Variants in GALM observed in about 807,000 individuals in gnomAD.
GALM encodes aldose 1-epimerase.
Under a neutral mutation model 37.4 loss-of-function variants are expected in GALM, and 43 were observed. The ratio of observed to expected loss-of-function variants is 1.15; its 90% CI spans 0.90 to 1.48. The LOEUF (loss-of-function observed/expected upper bound fraction) is 1.48. GALM is among the 40% of genes most tolerant of loss of function. The pLI, the probability that GALM is intolerant of heterozygous loss-of-function variation, is 0.00. For synonymous variants in GALM, 199 were observed against 170.6 expected (o/e 1.17, Z -1.30); for missense variants, 456 against 419.1 (o/e 1.09, Z -0.77).
At chr2:38,710,634 G>C (rs1331827965) in intron 4 of GALM, among the ~76,000 whole-genome samples, 1 of 151,974 alleles carries the variant, frequency 6.6e-6, no homozygotes. Flanking sequence ...CAAACTCCTG[G>C]GCTTAAGTGA....
intron 4 of GALM, among the ~76,000 whole-genome samples, chr2:38,697,841 C>T (rs1665841887): frequency 6.6e-6 from 1 of 152,156 alleles, no homozygotes. Context: ...GTCTTCAATG[C>T]AGAGCCGGCA....
intron 5 of GALM, among the ~76,000 whole-genome samples, chr2:38,729,953 C>T (rs935431730): frequency 6.6e-6 from 1 of 152,142 alleles, no homozygotes; most frequent in Non-Finnish European, 1.5e-5. Flanking sequence ...CTTTAAGGCC[C>T]ATTTTCTGTT....
intron 4 of GALM, among the ~76,000 whole-genome samples, chr2:38,697,325 G>A (rs922891327): frequency 4.6e-5 from 7 of 152,130 alleles, no homozygotes; most frequent in Non-Finnish European, 1.0e-4. Context: ...GCCGCCTGTT[G>A]ACTTTCAGCC....
At chr2:38,681,941 G>A (rs936119045) in intron 3 of GALM, among the ~76,000 whole-genome samples, 1 of 152,264 alleles carries the variant, frequency 6.6e-6, no homozygotes, top group African/African-American at 2.4e-5. Context: ...AGGGGTTTGG[G>A]TGGGCCAGTC....
chr2:38,670,943 C>A (rs565106031), intron 1 of GALM, among the ~76,000 whole-genome samples: 1 of 152,132 alleles, frequency 6.6e-6, no homozygotes, highest in Non-Finnish European at 1.5e-5. Flanking sequence ...TTATTTCAGA[C>A]TTTAGTGCAC....
At chr2:38,730,827 A>G (rs2148460251) in intron 5 of GALM, among the ~76,000 whole-genome samples, 1 of 152,008 alleles carries the variant, frequency 6.6e-6, no homozygotes, top group South Asian at 2.1e-4. Flanking sequence ...AGGCTGAGGC[A>G]GGAGAATCAC....
intron 4 of GALM, among the ~76,000 whole-genome samples, chr2:38,694,156 T>G (rs150070347): frequency 1.2e-4 from 18 of 151,880 alleles, no homozygotes; most frequent in African/African-American, 4.1e-4. Flanking sequence ...CACTTCAATG[T>G]GGGTGAAGAG....
At position 38,674,957 on chromosome 2, in the gene GALM, C is replaced by T. The variant is rs528698540; in HGVS notation, c.191-955C>T. ...TGGGAGGCCGAGTTGGGCAGATCACCTGAGGTCAGGAGTTCGAGACCAGCC... is the reference window on the plus strand; with the variant it reads ...TGGGAGGCCGAGTTGGGCAGATCACTTGAGGTCAGGAGTTCGAGACCAGCC... On this transcript the variant is annotated intron_variant, in intron 1 of 6. Transcript: ENST00000272252. Among the ~76,000 whole-genome samples the T allele has an allele frequency of 1.1e-4, 17 of 152,216 alleles. No individual in the cohort carries two copies. In the South Asian group the frequency reaches 3.5e-3, roughly 32 times the overall value.
At position 38,731,422 on chromosome 2, in the gene GALM, A is replaced by G. The variant is rs905439700; in HGVS notation, c.777-313A>G. On this transcript the variant is annotated intron_variant, in intron 5 of 6. Transcript: ENST00000272252. ...AAAAAAAAAAAAAAAAAAAAAAAGA[A>G]TCTCAGCCTCTCCAGGACCTTCCTC... is the stretch of plus-strand genomic sequence containing the variant. 2.7e-4 allele frequency among the ~76,000 whole-genome samples: 38 copies of G among 142,720 alleles called. No individual in the cohort carries two copies. The Admixed American group carries it at 2.7e-3, about 10-fold the overall frequency. 93.6% of individuals were successfully genotyped at this position (142,720 alleles called of 152,430 possible).
intron 1 of GALM, chr2:38,668,512 G>A (rs964616230): frequency 3.3e-5 from 5 of 152,236 alleles, no homozygotes; most frequent in Non-Finnish European, 2.9e-5. Flanking sequence ...AACAGTGGTT[G>A]TTAAGAAAGG....
chr2:38,729,744 A>G, intron 5 of GALM, 47 bp downstream of exon 5: 3 of 1,527,758 alleles, frequency 2.0e-6, no homozygotes, highest in Non-Finnish European at 2.7e-6. Flanking sequence ...AAATGACACC[A>G]AGTCCTATTT....
Position 38,666,231 on chromosome 2 carries a change from C to T in GALM, c.70C>T (p.Leu24=). The stretch of plus-strand genomic sequence containing the variant: ...AGGAGGGACAGTGGAGAAGTTCCAG[C>T]TGCAGTCAGACCTCTTGAGAGTGGA... The part of the protein sequence containing the change: ...SGGGTVEKFQ[L]QSDLLRVDII... The change falls in exon 1 of 7, where the codon CTG becomes TTG. Residue 24 remains leucine, a synonymous_variant. Coordinates refer to ENST00000272252, the MANE Select transcript of GALM (RefSeq NM_138801.3). 1 of 1,614,052 alleles carries T rather than the reference C, an allele frequency of 6.2e-7. No homozygotes were observed. The highest frequency in any genetic ancestry group is 8.5e-7 in the Non-Finnish European group (1 of 1,179,914).
intron 4 of GALM, among the ~76,000 whole-genome samples, chr2:38,714,297 C>T (rs1666226533): frequency 1.3e-5 from 2 of 151,314 alleles, no homozygotes; most frequent in Admixed American, 6.6e-5. Flanking sequence ...TCACTGCAAC[C>T]TCTGCCTCCC....
At chr2:38,686,002 C>G (rs1263402094) in intron 3 of GALM, among the ~76,000 whole-genome samples, 2 of 152,006 alleles carry the variant, frequency 1.3e-5, no homozygotes, top group Non-Finnish European at 2.9e-5. Flanking sequence ...CCTGAGCCAC[C>G]ATGCCTGGCC....
At chr2:38,675,537 T>TGTGTGTGTG (rs1558577612) in intron 1 of GALM, among the ~76,000 whole-genome samples, 2 of 90,060 alleles carry the variant, frequency 2.2e-5, no homozygotes, top group Non-Finnish European at 4.2e-5. Flanking sequence ...TTTTTTTTTT[T>TGTGTGTGTG]TTTTTTTGTG....
intron 4 of GALM, among the ~76,000 whole-genome samples, chr2:38,719,013 G>GTCT (rs1272328945): frequency 6.6e-5 from 10 of 151,868 alleles, no homozygotes; most frequent in Non-Finnish European, 1.5e-4. Context: ...CATTTCTTCA[G>GTCT]TCTTCCCCCT....
intron 4 of GALM, among the ~76,000 whole-genome samples, chr2:38,725,269 T>G (rs1201305622): frequency 6.6e-6 from 1 of 152,204 alleles, no homozygotes; most frequent in Non-Finnish European, 1.5e-5. Flanking sequence ...GCATGGTGGC[T>G]CATGCTTGTA....
intron 5 of GALM, among the ~76,000 whole-genome samples, chr2:38,730,119 T>A (rs138013324): frequency 6.6e-6 from 1 of 152,240 alleles, no homozygotes; most frequent in African/African-American, 2.4e-5. Context: ...CCTTGACCGA[T>A]AGACACTTGT....
chr2:38,714,035 T>C (rs1231665041), intron 4 of GALM, among the ~76,000 whole-genome samples: 2 of 152,074 alleles, frequency 1.3e-5, no homozygotes, highest in Non-Finnish European at 2.9e-5. Context: ...AAAATACATA[T>C]AAAGTGCTTA....
Sources: gnomAD v4.1 joint callset for allele counts (sites outside exome capture counted in the v4.1 genomes callset) on GRCh38, gnomAD v4.1.1 for gene constraint, MANE v1.5 for transcripts, NCBI Gene and HGNC (gene_info 2026-07-23, HGNC 2026-07-21) for gene names.